The following DDHD2 variants were observed in gnomAD, a reference collection of about 807,000 sequenced individuals.
DDHD2 encodes the protein triacylglycerol hydrolase DDHD2.
A neutral mutation model predicts 91.2 loss-of-function variants in DDHD2; 62 were observed. The ratio of observed to expected loss-of-function variants is 0.68; its 90% CI spans 0.55 to 0.84. The LOEUF (loss-of-function observed/expected upper bound fraction) is 0.84. Ranked by LOEUF, DDHD2 falls within the 40% of genes least tolerant of loss-of-function variation. DDHD2 has a pLI of 0.00. For missense variants in DDHD2, 740 were observed against 846.9 expected (o/e 0.87, Z 1.57); for synonymous variants, 271 against 293.9 (o/e 0.92, Z 0.80).
chr8:38,239,333 C>T (rs1041217938), intron 5 of DDHD2, among the ~76,000 whole-genome samples: 8 of 146,090 alleles, frequency 5.5e-5, no homozygotes, highest in Non-Finnish European at 1.0e-4. Context: ...TTTATCATGC[C>T]ACTGCACTCC....
chr8:38,267,895 A>ACCT (rs764911498), intron 1 of DDHD2: 1 of 1,613,864 alleles, frequency 6.2e-7, no homozygotes, highest in Non-Finnish European at 8.5e-7. Flanking sequence ...GTTGTCACTT[A>ACCT]CCTCCCTACG....
At chr8:38,257,245 T>G (rs961829655) in intron 16 of DDHD2, among the ~76,000 whole-genome samples, 9 of 133,350 alleles carry the variant, frequency 6.7e-5, no homozygotes, top group Admixed American at 3.1e-4. Context: ...CAAGTTTTTT[T>G]TTTTTTTTTT....
At chr8:38,237,708 C>A in intron 4 of DDHD2, 81 bp downstream of exon 4, 2 of 762,528 alleles carry the variant, frequency 2.6e-6, no homozygotes, top group Non-Finnish European at 4.2e-6. Flanking sequence ...TTTTGCTAAG[C>A]ACTCTGTGTA....
downstream of DDHD2, chr8:38,267,208 T>C: frequency 6.2e-7 from 1 of 1,613,518 alleles, no homozygotes; most frequent in Non-Finnish European, 8.5e-7. Context: ...ACTAGCTTTC[T>C]AGGTTAAATT....
At chr8:38,257,759 G>A (rs1041231910) in intron 16 of DDHD2, among the ~76,000 whole-genome samples, 1 of 150,146 alleles carries the variant, frequency 6.7e-6, no homozygotes, top group Non-Finnish European at 1.5e-5. Context: ...CTGCCTGCCA[G>A]GTTCAAGTGA....
At position 38,251,777 on chromosome 8, in the gene DDHD2, T is replaced by A. The variant is rs1037692828; in HGVS notation, c.1345-135T>A. ...ACTTTTTTTTTAAATAGAGACTATG[T>A]TGCCCACGTTGGACTTGAACTCTTG... On this transcript the variant is annotated intron_variant, in intron 11 of 17. Coordinates refer to ENST00000397166, the MANE Select transcript of DDHD2 (RefSeq NM_015214.3). The A allele has an allele frequency of 2.3e-5, 14 of 614,590 alleles. No homozygotes were observed. In the African/African-American group the frequency reaches 2.6e-4, roughly 11 times the overall value. 38.1% of individuals were successfully genotyped at this position (614,590 alleles called of 1,614,324 possible). A position where few individuals can be genotyped will look rare whatever the true frequency, so the allele number is the denominator to read the frequency against.
intron 2 of DDHD2, among the ~76,000 whole-genome samples, chr8:38,234,105 A>C (rs529690976): frequency 6.6e-6 from 1 of 152,268 alleles, no homozygotes; most frequent in East Asian, 1.9e-4. Context: ...AATTCAGAAA[A>C]ATCACATTAT....
At chr8:38,269,042 TC>T in intron 1 of DDHD2, 1 of 1,526,904 alleles carries the variant, frequency 6.5e-7, no homozygotes, top group East Asian at 2.6e-5. Context: ...CCTCCCCGCT[TC>T]CCCACTGCCC....
rs186762441 is a variant in DDHD2 at position 38,237,710 on chromosome 8, C to T, written c.501+83C>T. 4.0e-6 allele frequency: 3 copies of T among 745,810 alleles called. No individual in the cohort carries two copies. In the East Asian group the frequency reaches 8.6e-5, roughly 21 times the overall value. 46.2% of individuals were successfully genotyped at this position (745,810 alleles called of 1,614,324 possible). A position where few individuals can be genotyped will look rare whatever the true frequency, so the allele number is the denominator to read the frequency against. On this transcript the variant is annotated intron_variant, in intron 4 of 17. Transcript: ENST00000397166. ...CTCAATTGGTTTCTTTTGCTAAGCA[C>T]TCTGTGTAGGATAACCTTTGTCAAA...
chr8:38,251,024 T>A (rs1198892510), intron 11 of DDHD2: 1 of 152,196 alleles, frequency 6.6e-6, no homozygotes, highest in African/African-American at 2.4e-5. Context: ...GGTCACTGAA[T>A]TTCTAACTCC....
intron 1 of DDHD2, chr8:38,268,326 A>G (rs960820575): frequency 1.2e-5 from 18 of 1,499,780 alleles, no homozygotes; most frequent in Non-Finnish European, 1.5e-5. Flanking sequence ...ACGACCTCCT[A>G]GGTTCCCAGC....
Position 38,234,397 on chromosome 8 carries a change from A to G in DDHD2, c.224A>G (p.Lys75Arg). The change falls in exon 3 of 18, where the codon AAA becomes AGA. Residue 75 changes from lysine (K) to arginine (R), a missense_variant. Around this residue, in one of 2 missense-constraint regions of DDHD2, gnomAD observed 693 missense variants for 764.2 expected, o/e 0.91. Transcript: ENST00000397166. ...TCCCCTTTTCAATCCTTGAAAGGAA[A>G]AGGTTGTAATGGGAGAGTTGTTCCT... is the stretch of plus-strand genomic sequence containing the variant. The part of the protein sequence containing the change: ...QQLEEAYSSG[K>R]GCNGRVVPTD... 6.4e-7 allele frequency: 1 copy of G among 1,565,872 alleles called. No homozygotes were observed. Among genetic ancestry groups the G allele is most frequent in the Non-Finnish European group, 8.6e-7 (1 of 1,163,226 alleles).
intron 5 of DDHD2, 30 bp downstream of exon 5, chr8:38,238,239 T>G: frequency 5.0e-6 from 8 of 1,612,046 alleles, no homozygotes; most frequent in Non-Finnish European, 6.8e-6. Context: ...TTTTCTTACC[T>G]TTGGATGTAT....
chr8:38,264,925 G>GC, downstream of DDHD2: 1 of 1,612,096 alleles, frequency 6.2e-7, no homozygotes, highest in South Asian at 1.1e-5. Flanking sequence ...CTATTCATCT[G>GC]CCCATTTTCA....
intron 16 of DDHD2, among the ~76,000 whole-genome samples, chr8:38,255,090 G>A (rs1806405260): frequency 6.6e-6 from 1 of 151,434 alleles, no homozygotes; most frequent in Admixed American, 6.6e-5. Flanking sequence ...AGCTACTAGG[G>A]AGGCTGAGAC....
Position 38,262,467 on chromosome 8 carries a change from A to G in DDHD2, c.*1894A>G, listed in dbSNP as rs973465998. ...TTATATCTTGTCTATTCATGGTATT[A>G]TAGCTGTATATTCCCAGGATGATAA... On this transcript the variant is annotated 3_prime_UTR_variant, in exon 18 of 18. Coordinates refer to ENST00000397166, the MANE Select transcript of DDHD2 (RefSeq NM_015214.3). 6.6e-6 allele frequency: 1 copy of G among 152,176 alleles called. No individual in the cohort carries two copies. Among genetic ancestry groups the G allele is most frequent in the Non-Finnish European group, 1.5e-5 (1 of 68,018 alleles). 9.4% of individuals were successfully genotyped at this position (152,176 alleles called of 1,614,324 possible). A position where few individuals can be genotyped will look rare whatever the true frequency, so the allele number is the denominator to read the frequency against.
downstream of DDHD2, chr8:38,272,835 G>C (rs1170333071): frequency 6.6e-6 from 1 of 152,122 alleles, no homozygotes; most frequent in Non-Finnish European, 1.5e-5. Context: ...TGTATCACAG[G>C]CACAGTGCAT....
intron 1 of DDHD2, chr8:38,269,257 G>A (rs919029729): frequency 9.4e-6 from 13 of 1,379,582 alleles, no homozygotes; most frequent in African/African-American, 1.5e-5. Context: ...GGGGAGGGCC[G>A]GGCCGGGAAC....
downstream of DDHD2, chr8:38,264,990 C>T (rs142838725): frequency 5.2e-4 from 733 of 1,418,772 alleles, 4 homozygotes; most frequent in African/African-American, 9.0e-3. Flanking sequence ...TGCTTCTCGC[C>T]GGGCACGGTG....
Sources: gnomAD v4.1 joint callset for allele counts (sites outside exome capture counted in the v4.1 genomes callset) on GRCh38, gnomAD v4.1.1 for gene constraint, gnomAD v4.1.1 regional missense constraint, MANE v1.5 for transcripts, NCBI Gene and HGNC (gene_info 2026-07-23, HGNC 2026-07-21) for gene names.